The following OR14A2 variants were observed in gnomAD, a reference collection of about 807,000 sequenced individuals.
OR14A2 encodes the protein olfactory receptor 14A2.
For synonymous variants in OR14A2, 114 were observed against 58.6 expected, an observed-to-expected ratio of 1.95 and a Z score of -4.32; for missense variants, 237 against 152.9, an observed-to-expected ratio of 1.55 and a Z score of -2.90.
chr1:247,723,961 A>G (rs1660270464), exon 1 of OR14A2: 1 of 716,862 alleles, frequency 1.4e-6, no homozygotes, highest in African/African-American at 1.8e-5. Context: ...CAGTAGGAAG[A>G]GCACACCATA....
the OR14A2 span, chr1:247,738,964 C>G: frequency 1.3e-6 from 1 of 780,716 alleles, no homozygotes. Flanking sequence ...ACTGCCATGT[C>G]CTATGACCGC....
chr1:247,728,278 T>C (rs921269033), upstream of OR14A2, among the ~76,000 whole-genome samples: 1 of 152,026 alleles, frequency 6.6e-6, no homozygotes, highest in Non-Finnish European at 1.5e-5. Context: ...TATACGCAAA[T>C]CAATAAATGT....
At chr1:247,736,849 C>T in the OR14A2 span, among the ~76,000 whole-genome samples, 1 of 152,156 alleles carries the variant, frequency 6.6e-6, no homozygotes. Flanking sequence ...TCAGGCTCTC[C>T]ATTATTGCTC....
upstream of OR14A2, among the ~76,000 whole-genome samples, chr1:247,725,316 G>GTA (rs554193398): frequency 1.7e-3 from 252 of 152,062 alleles, 2 homozygotes; most frequent in African/African-American, 5.7e-3. Context: ...TGGAGAAGCA[G>GTA]TATATAGTGA....
chr1:247,729,103 GGACTGCAA>G, the OR14A2 span, among the ~76,000 whole-genome samples: 1 of 151,908 alleles, frequency 6.6e-6, no homozygotes, highest in Non-Finnish European at 1.5e-5. Flanking sequence ...TATAGTCAAG[GGACTGCAA>G]CAAATTATTT....
At chr1:247,744,912 C>T in the OR14A2 span, among the ~76,000 whole-genome samples, 4 of 152,038 alleles carry the variant, frequency 2.6e-5, no homozygotes, top group African/African-American at 9.7e-5. The surrounding 1 kb of genome is among the most constrained non-coding windows in gnomAD (Gnocchi z 4.3). Flanking sequence ...ATTGGACATA[C>T]ATTGTGGAAC....
In OR14A2 at chr1:247,723,286, G is replaced by A. The variant is rs542581914; in HGVS notation, c.758C>T (p.Ala253Val). Reference sequence around the variant, plus strand: ...AGGTGGCTTAAGATAAACAAAATAAGCAGTTATGATAAAAACAGTGAAAAC... The same window carrying A: ...AGGTGGCTTAAGATAAACAAAATAAACAGTTATGATAAAAACAGTGAAAAC... The change falls in exon 1 of 1, where the codon GCT (alanine) becomes GTT (valine). Residue 253 changes from alanine (A) to valine (V), a missense_variant. By Grantham distance (64) the Ala-to-Val change is moderately conservative. Coordinates refer to ENST00000366485, the Ensembl canonical transcript of OR14A2. The A allele has an allele frequency of 8.4e-6, 6 of 717,502 alleles. No homozygotes were observed. In the Admixed American group the frequency reaches 1.0e-4, roughly 12 times the overall value. The allele number at this position is 717,502 out of a possible 1,614,324, so 44.4% of individuals were successfully genotyped here. A position where few individuals can be genotyped will look rare whatever the true frequency, so the allele number is the denominator to read the frequency against.
the OR14A2 span, chr1:247,738,494 T>A: frequency 6.5e-6 from 4 of 611,338 alleles, no homozygotes; most frequent in Non-Finnish European, 1.2e-5. Context: ...TTTAAACTTT[T>A]TGTCTAGGCC....
the OR14A2 span, among the ~76,000 whole-genome samples, chr1:247,734,010 A>C: frequency 3.9e-5 from 6 of 152,206 alleles, no homozygotes; most frequent in African/African-American, 1.4e-4. Context: ...GGAAATGGAA[A>C]GCAAAAACAA....
chr1:247,726,923 T>C (rs61857830), upstream of OR14A2, among the ~76,000 whole-genome samples: 1 of 142,782 alleles, frequency 7.0e-6, no homozygotes, highest in Non-Finnish European at 1.5e-5. Context: ...CCATGCTGTT[T>C]TGGTTACTGT....
the OR14A2 span, among the ~76,000 whole-genome samples, chr1:247,729,752 A>C: frequency 6.6e-6 from 1 of 152,122 alleles, no homozygotes; most frequent in African/African-American, 2.4e-5. Context: ...ACAGAATACT[A>C]TTCTCAATGA....
chr1:247,736,790 A>T, the OR14A2 span, among the ~76,000 whole-genome samples: 1 of 152,148 alleles, frequency 6.6e-6, no homozygotes, highest in Non-Finnish European at 1.5e-5. Context: ...CAGGTCAAAC[A>T]AAGGAGGCTT....
chr1:247,726,383 GT>G (rs1224970962), upstream of OR14A2, among the ~76,000 whole-genome samples: 12 of 140,728 alleles, frequency 8.5e-5, no homozygotes, highest in East Asian at 2.0e-4. Flanking sequence ...GGGGTTGTTT[GT>G]TTTTTTCTTA....
At chr1:247,727,850 A>C (rs1414628939), upstream of OR14A2, among the ~76,000 whole-genome samples, 1 of 147,882 alleles carries the variant, frequency 6.8e-6, no homozygotes, top group Non-Finnish European at 1.5e-5. Context: ...CTCGACACAT[A>C]CACTCTCCCA....
At chr1:247,728,309 C>T (rs1391864925), upstream of OR14A2, among the ~76,000 whole-genome samples, 6 of 151,906 alleles carry the variant, frequency 3.9e-5, no homozygotes, top group Admixed American at 6.6e-5. Context: ...ATAAACAGAG[C>T]CAAAGACAAA....
upstream of OR14A2, chr1:247,724,147 T>C (rs968705285): frequency 1.1e-5 from 6 of 566,238 alleles, no homozygotes; most frequent in South Asian, 2.6e-5. Flanking sequence ...AAGAGTCATA[T>C]TGATATACAA....
At chr1:247,725,646 G>C (rs1268056973), upstream of OR14A2, among the ~76,000 whole-genome samples, 1 of 139,362 alleles carries the variant, frequency 7.2e-6, no homozygotes, top group African/African-American at 2.7e-5. Flanking sequence ...TCGTCATCTA[G>C]CATTAGGTAT....
At chr1:247,730,267 C>T in the OR14A2 span, among the ~76,000 whole-genome samples, 12 of 152,130 alleles carry the variant, frequency 7.9e-5, no homozygotes, top group East Asian at 5.8e-4. Context: ...AAACTCAAAT[C>T]GTTACAAATC....
the OR14A2 span, among the ~76,000 whole-genome samples, chr1:247,729,831 G>A: frequency 1.3e-5 from 2 of 151,926 alleles, no homozygotes; most frequent in South Asian, 2.1e-4. Context: ...GGGTTTACTG[G>A]TTTGTTGTTT....
Sources: allele counts gnomAD v4.1 joint callset (sites outside exome capture counted in the v4.1 genomes callset), GRCh38; gene constraint gnomAD v4.1.1; non-coding constraint Gnocchi (gnomAD v3.1); transcripts MANE v1.5; gene names NCBI Gene and HGNC (gene_info 2026-07-23, HGNC 2026-07-21).